Variants in MALRD1 observed in about 807,000 individuals in gnomAD.
The protein encoded by MALRD1 is MAM and LDL receptor class A domain containing 1, also known as MAM and LDL-receptor class A domain-containing protein 1.
A neutral mutation model predicts 242.1 loss-of-function variants in MALRD1; 247 were observed. That is an observed-to-expected ratio of 1.02 (90% confidence interval 0.92 to 1.13). The LOEUF is 1.13. Ranked by LOEUF, MALRD1 falls within the 50% of genes most tolerant of loss-of-function variation. The pLI is 0.00. For missense variants in MALRD1, 2,989 were observed against 2,533.1 expected (o/e 1.18, Z -3.86); for synonymous variants, 995 against 866.6 (o/e 1.15, Z -2.60).
chr10:19,661,636 G>C (rs1402062114), intron 36 of MALRD1, among the ~76,000 whole-genome samples: 3 of 152,110 alleles, frequency 2.0e-5, no homozygotes, highest in Admixed American at 6.6e-5. Flanking sequence ...GGCCTGTTGA[G>C]GGATAGGGGC....
At chr10:19,417,188 C>G (rs1460298374) in intron 28 of MALRD1, among the ~76,000 whole-genome samples, 1 of 152,108 alleles carries the variant, frequency 6.6e-6, no homozygotes, top group Non-Finnish European at 1.5e-5. Context: ...CTTAATTTTT[C>G]TCTTCACATG....
At chr10:19,195,449 G>GT (rs1422002395) in intron 14 of MALRD1, among the ~76,000 whole-genome samples, 1 of 151,932 alleles carries the variant, frequency 6.6e-6, no homozygotes, top group Non-Finnish European at 1.5e-5. Context: ...TGATATGATC[G>GT]TGTCTCCCAA....
intron 21 of MALRD1, among the ~76,000 whole-genome samples, chr10:19,299,777 A>G (rs1014082410): frequency 1.3e-5 from 2 of 151,964 alleles, no homozygotes; most frequent in Non-Finnish European, 2.9e-5. Context: ...GAGAGGACAA[A>G]AGCTGGAAGC....
At chr10:19,568,949 A>G (rs1263152101) in intron 33 of MALRD1, among the ~76,000 whole-genome samples, 1 of 152,150 alleles carries the variant, frequency 6.6e-6, no homozygotes, top group East Asian at 1.9e-4. Context: ...CTAGATACAT[A>G]TTCACATAAT....
At chr10:19,604,440 G>A (rs764344208) in intron 34 of MALRD1, among the ~76,000 whole-genome samples, 3 of 152,140 alleles carry the variant, frequency 2.0e-5, no homozygotes, top group Non-Finnish European at 2.9e-5. Context: ...CTTTAATTCT[G>A]TGAAGTCTGA....
At chr10:19,113,696 T>G (rs1279255935) in intron 5 of MALRD1, among the ~76,000 whole-genome samples, 5 of 151,746 alleles carry the variant, frequency 3.3e-5, no homozygotes, top group African/African-American at 1.2e-4. Context: ...CCATTTATGC[T>G]CAGGTTTCTG....
intron 10 of MALRD1, among the ~76,000 whole-genome samples, chr10:19,137,685 T>C (rs1833399419): frequency 6.6e-6 from 1 of 151,792 alleles, no homozygotes; most frequent in Admixed American, 6.6e-5. Flanking sequence ...CCCCAACACC[T>C]TTCTTTCAGG....
intron 19 of MALRD1, among the ~76,000 whole-genome samples, chr10:19,271,912 A>G (rs1840267492): frequency 6.6e-6 from 1 of 152,198 alleles, no homozygotes; most frequent in South Asian, 2.1e-4. Flanking sequence ...TTGAGAGATG[A>G]GCAATGAGGG....
intron 12 of MALRD1, among the ~76,000 whole-genome samples, chr10:19,163,529 G>A (rs1239231785): frequency 6.6e-6 from 1 of 151,908 alleles, no homozygotes; most frequent in East Asian, 1.9e-4. Flanking sequence ...AGGGAGAGGA[G>A]CAGAAAAGAT....
intron 13 of MALRD1, among the ~76,000 whole-genome samples, chr10:19,174,896 T>C (rs1486022444): frequency 1.3e-5 from 2 of 152,160 alleles, no homozygotes; most frequent in Non-Finnish European, 2.9e-5. Flanking sequence ...CACAGTTGAT[T>C]ACCCCAAAGA....
At chr10:19,070,010 A>G (rs2358279) in intron 2 of MALRD1, among the ~76,000 whole-genome samples, 91,266 of 151,884 alleles carry the variant, frequency 0.6, 28,255 homozygotes, top group African/African-American at 0.76. Flanking sequence ...TAAGTCTAAC[A>G]TGCTGTTAGA....
chr10:19,530,163 AG>A (rs935526667), intron 31 of MALRD1, among the ~76,000 whole-genome samples: 23 of 151,180 alleles, frequency 1.5e-4, no homozygotes, highest in Non-Finnish European at 2.8e-4. Context: ...AATGCAAAAA[AG>A]GTTAATAATA....
In MALRD1 at chr10:19,598,074, C is replaced by T. The variant is rs79838779; in HGVS notation, c.5944+2617C>T. Among the ~76,000 whole-genome samples the T allele has an allele frequency of 3.2e-3, 492 of 152,176 alleles. 3 individuals are homozygous for T. The highest frequency in any genetic ancestry group is 0.011 in the African/African-American group (463 of 41,530). On this transcript the variant is annotated intron_variant, in intron 34 of 39. Coordinates refer to ENST00000454679, the MANE Select transcript of MALRD1 (RefSeq NM_001142308.3). ...CTGCCACCATGCCAGTGCTATATAACGGTACTTAACTTGGATATGGGATGG... is the reference window on the plus strand; with the variant it reads ...CTGCCACCATGCCAGTGCTATATAATGGTACTTAACTTGGATATGGGATGG...
intron 38 of MALRD1, chr10:19,730,437 C>T: frequency 6.4e-6 from 3 of 471,780 alleles, no homozygotes; most frequent in Non-Finnish European, 1.2e-5. Context: ...TTAAGACTAA[C>T]TTTTGCAATT....
chr10:19,388,000 G>T (rs1846157751), intron 27 of MALRD1, among the ~76,000 whole-genome samples: 1 of 152,154 alleles, frequency 6.6e-6, no homozygotes, highest in Non-Finnish European at 1.5e-5. Flanking sequence ...CATGCTGGAA[G>T]TTCAAGATCA....
intron 34 of MALRD1, among the ~76,000 whole-genome samples, chr10:19,599,544 G>C (rs1241725010): frequency 1.3e-5 from 2 of 152,182 alleles, no homozygotes; most frequent in African/African-American, 4.8e-5. Context: ...TCCTCTGATA[G>C]CCATCTTCTG....
intron 26 of MALRD1, 32 bp from the exon 27 acceptor site, chr10:19,387,496 G>A (rs907052476): frequency 1.1e-5 from 17 of 1,540,850 alleles, no homozygotes; most frequent in East Asian, 4.9e-5. Context: ...AGGAGTGTTC[G>A]CTCATTCTTG....
At position 19,425,723 on chromosome 10, in the gene MALRD1, G is replaced by A. The variant is rs192552343; in HGVS notation, c.4846-24584G>A. On this transcript the variant is annotated intron_variant, in intron 28 of 39. Transcript: ENST00000454679. ...AAGAGGGAAAAGAATTCCAGCCCGCGTTTGACTCCATTTCTTGATAGAACA... is the reference window on the plus strand; with the variant it reads ...AAGAGGGAAAAGAATTCCAGCCCGCATTTGACTCCATTTCTTGATAGAACA... Among the ~76,000 whole-genome samples the A allele has an allele frequency of 3.3e-5, 5 of 152,206 alleles. No individual in the cohort carries two copies. The East Asian group carries it at 5.8e-4, about 18-fold the overall frequency.
rs567228409 is a variant in MALRD1, at chr10:19,633,059, C to G, written c.6137+17136C>G. On this transcript the variant is annotated intron_variant, in intron 36 of 39. Coordinates refer to ENST00000454679, the MANE Select transcript of MALRD1 (RefSeq NM_001142308.3). ...TCAGCCTGGCCAATATGGTGAAACC[C>G]TGTCTCTACTAAAGATACAAAAATT... is the stretch of plus-strand genomic sequence containing the variant. Among the ~76,000 whole-genome samples, 7 of 152,220 alleles carry G rather than the reference C, an allele frequency of 4.6e-5. No individual in the cohort carries two copies. The East Asian group carries it at 7.8e-4, about 17-fold the overall frequency.
Sources: allele counts gnomAD v4.1 joint callset (sites outside exome capture counted in the v4.1 genomes callset), GRCh38; gene constraint gnomAD v4.1.1; transcripts MANE v1.5; gene names NCBI Gene and HGNC (gene_info 2026-07-23, HGNC 2026-07-21).